Variants in ETV6 observed in about 807,000 individuals in gnomAD.
ETV6 encodes the protein ETS variant transcription factor 6.
A neutral mutation model predicts 51.1 loss-of-function variants in ETV6; 16 were observed. The observed-to-expected ratio is 0.31, with a 90% CI of 0.21 to 0.48. ETV6 has a LOEUF of 0.48. Among genes scored for constraint, ETV6 ranks in the 20% least tolerant of loss-of-function variants. The pLI is 0.99. For synonymous variants in ETV6, 240 were observed against 224.1 expected (o/e 1.07, Z -0.64); for missense variants, 458 against 594.8 (o/e 0.77, Z 2.39).
intron 1 of ETV6, among the ~76,000 whole-genome samples, chr12:11,664,683 T>A (rs915598137): frequency 6.6e-6 from 1 of 152,224 alleles, no homozygotes; most frequent in African/African-American, 2.4e-5. Flanking sequence ...TTACTGCTAC[T>A]GGAATGGAAG....
intron 1 of ETV6, among the ~76,000 whole-genome samples, chr12:11,691,493 C>G (rs1262708583): frequency 1.3e-5 from 2 of 152,174 alleles, no homozygotes; most frequent in African/African-American, 4.8e-5. Context: ...TAAAATGGAA[C>G]ACATAAAAAC....
At chr12:11,817,889 A>C (rs1223246612) in intron 2 of ETV6, among the ~76,000 whole-genome samples, 1 of 152,262 alleles carries the variant, frequency 6.6e-6, no homozygotes, top group African/African-American at 2.4e-5. Context: ...CTCTGGAAGC[A>C]AAAAGACAGG....
In ETV6 at chr12:11,787,239, A is replaced by G. The variant is rs1945500737; in HGVS notation, c.163+34660A>G. On this transcript the variant is annotated intron_variant, in intron 2 of 7. Transcript: ENST00000396373. ...TCTTGAGTAAGCAGAATCTTTCAAA[A>G]TGTCATAGCTTTGTTGTCTAATACA... Among the ~76,000 whole-genome samples, 3 of 152,212 alleles carry G rather than the reference A, an allele frequency of 2.0e-5. No homozygotes were observed. In the South Asian group the frequency reaches 6.2e-4, roughly 32 times the overall value.
chr12:11,863,493 A>G (rs534914580), intron 4 of ETV6, among the ~76,000 whole-genome samples: 1 of 152,172 alleles, frequency 6.6e-6, no homozygotes, highest in Admixed American at 6.5e-5. Context: ...GCCCACATGG[A>G]CTAATTATGT....
intron 4 of ETV6, among the ~76,000 whole-genome samples, chr12:11,868,048 TGAGTTAGAGGTGTC>T (rs1239995581): frequency 1.3e-5 from 2 of 152,170 alleles, no homozygotes. Context: ...TTGAGTGGGA[TGAGTTAGAGGTGTC>T]CATCCATCCT....
At chr12:11,850,668 G>A (rs1006575698) in intron 3 of ETV6, among the ~76,000 whole-genome samples, 5 of 152,172 alleles carry the variant, frequency 3.3e-5, no homozygotes, top group South Asian at 2.1e-4. Flanking sequence ...TCGTTACAAC[G>A]ATCTCACAAG....
rs763478533 is a variant in ETV6, at chr12:11,869,833, G to T, written c.873G>T (p.Arg291Ser). 1 of 1,613,360 alleles carries T rather than the reference G, an allele frequency of 6.2e-7. No individual in the cohort carries two copies. Among genetic ancestry groups the T allele is most frequent in the Middle Eastern group, 1.6e-4 (1 of 6,062 alleles). Reference protein sequence around the residue: ...PRHSVDFKQSRLSEDGLHREG... With the variant: ...PRHSVDFKQSSLSEDGLHREG... ...ACTCCGTGGATTTCAAACAGTCCAG[G>T]CTCTCCGAGGACGGGCTGCATAGGG... Residue 291 changes from arginine (R) to serine (S), a missense_variant, in exon 5 of 8, where the codon AGG (arginine) becomes AGT (serine). Physicochemically the swap from Arg to Ser is moderately radical, Grantham distance 110 (BLOSUM62 -1). Transcript: ENST00000396373. This position sits in a 1 kb window ranked among gnomAD's most constrained non-coding sequence, Gnocchi z 5.0.
rs1188179165 is a variant in ETV6 at position 11,874,593 on chromosome 12, CAT to C, written c.1009+4629_1009+4630del. Among the ~76,000 whole-genome samples the C allele has an allele frequency of 5.0e-3, 44 of 8,774 alleles. 17 individuals carry two copies. The highest frequency in any genetic ancestry group is 5.5e-3 in the African/African-American group (38 of 6,854). 5.8% of individuals were successfully genotyped at this position (8,774 alleles called of 152,430 possible). ...GTGTACACATATATGTGTGTATACACATATATGTGTATGTGCGTGTGTACACA... is the reference window on the plus strand; with the variant it reads ...GTGTACACATATATGTGTGTATACACATATGTGTATGTGCGTGTGTACACA... On this transcript the variant is annotated intron_variant, in intron 5 of 7. Coordinates refer to ENST00000396373, the MANE Select transcript of ETV6 (RefSeq NM_001987.5).
In ETV6 at chr12:11,792,686, CA is replaced by C. The variant is rs5796468; in HGVS notation, c.163+40121del. Among the ~76,000 whole-genome samples the C allele has an allele frequency of 3.9e-4, 56 of 145,398 alleles. No individual in the cohort carries two copies. In the South Asian group the frequency reaches 4.4e-3, roughly 11 times the overall value. On this transcript the variant is annotated intron_variant, in intron 2 of 7. Coordinates refer to ENST00000396373, the MANE Select transcript of ETV6 (RefSeq NM_001987.5). ...TGGGCAACAGAACAAGATTCCATCTCAAAAAAAAAAAAAATTAATCCTCTTT... is the reference window on the plus strand; with the variant it reads ...TGGGCAACAGAACAAGATTCCATCTCAAAAAAAAAAAAATTAATCCTCTTT...
In ETV6 at chr12:11,891,632, T is replaced by G. The variant is rs1947289096; in HGVS notation, c.*586T>G. 2 of 528,784 alleles carry G rather than the reference T, an allele frequency of 3.8e-6. No homozygotes were observed. The highest frequency in any genetic ancestry group is 7.8e-5 in the East Asian group (2 of 25,634). 32.8% of individuals were successfully genotyped at this position (528,784 alleles called of 1,614,324 possible). On this transcript the variant is annotated 3_prime_UTR_variant, in exon 8 of 8. Transcript: ENST00000396373. ...AAAAATGCTTTTAAAAAAGATAAAA[T>G]GAAAAGGAGAGCTCTCTTTTTCTCT...
At chr12:11,748,456 C>G (rs1865947669) in intron 1 of ETV6, among the ~76,000 whole-genome samples, 2 of 152,092 alleles carry the variant, frequency 1.3e-5, no homozygotes, top group African/African-American at 4.8e-5. Flanking sequence ...GCTTTATTTC[C>G]AGAATGTTAA....
intron 1 of ETV6, among the ~76,000 whole-genome samples, chr12:11,705,787 C>T (rs1865063058): frequency 6.6e-6 from 1 of 152,230 alleles, no homozygotes; most frequent in South Asian, 2.1e-4. Context: ...CCCTAAGCCC[C>T]TGTCTGCCCA....
chr12:11,833,380 G>A (rs1287706497), intron 2 of ETV6, among the ~76,000 whole-genome samples: 1 of 152,196 alleles, frequency 6.6e-6, no homozygotes, highest in Non-Finnish European at 1.5e-5. Flanking sequence ...ACACAGAGAG[G>A]TTAAGTAACT....
At chr12:11,654,001 T>TG (rs1390408712) in intron 1 of ETV6, among the ~76,000 whole-genome samples, 2 of 152,050 alleles carry the variant, frequency 1.3e-5, no homozygotes, top group East Asian at 3.9e-4. Flanking sequence ...TTGGTAGAGA[T>TG]GGGGGTTTCA....
intron 2 of ETV6, among the ~76,000 whole-genome samples, chr12:11,832,914 G>T (rs1021495813): frequency 6.6e-6 from 1 of 152,188 alleles, no homozygotes; most frequent in Non-Finnish European, 1.5e-5. Flanking sequence ...AGCCCTATAC[G>T]ATCTGCACTT....
At chr12:11,815,043 C>A (rs957511588) in intron 2 of ETV6, among the ~76,000 whole-genome samples, 2 of 152,136 alleles carry the variant, frequency 1.3e-5, no homozygotes, top group African/African-American at 2.4e-5. Flanking sequence ...ATGATGCACC[C>A]CACTTTCCTG....
chr12:11,849,951 G>A (rs1328494713), intron 3 of ETV6, among the ~76,000 whole-genome samples: 1 of 152,132 alleles, frequency 6.6e-6, no homozygotes, highest in Non-Finnish European at 1.5e-5. Flanking sequence ...TGAGCCAGCC[G>A]CATTCCCTGA....
At chr12:11,876,210 C>A (rs1946980016) in intron 5 of ETV6, among the ~76,000 whole-genome samples, 1 of 152,182 alleles carries the variant, frequency 6.6e-6, no homozygotes, top group South Asian at 2.1e-4. Flanking sequence ...ATATCATTAA[C>A]ATAAATAAAA....
chr12:11,828,362 G>A (rs1946191162), intron 2 of ETV6, among the ~76,000 whole-genome samples: 1 of 152,146 alleles, frequency 6.6e-6, no homozygotes, highest in African/African-American at 2.4e-5. Flanking sequence ...TCAGGACTGT[G>A]CGTTTCAAAT....
Sources: allele counts gnomAD v4.1 joint callset (sites outside exome capture counted in the v4.1 genomes callset), GRCh38; gene constraint gnomAD v4.1.1; non-coding constraint Gnocchi (gnomAD v3.1); transcripts MANE v1.5; gene names NCBI Gene and HGNC (gene_info 2026-07-23, HGNC 2026-07-21).